The following ACSF2 variants were observed in gnomAD, a reference collection of about 807,000 sequenced individuals.
The protein encoded by ACSF2 is medium-chain acyl-CoA ligase ACSF2, mitochondrial.
In ACSF2, 52 loss-of-function variants were observed where a neutral mutation model predicts 79.3. The ratio of observed to expected loss-of-function variants is 0.66; its 90% CI spans 0.53 to 0.83. The LOEUF (loss-of-function observed/expected upper bound fraction) is 0.83. Among genes scored for constraint, ACSF2 ranks in the 40% least tolerant of loss-of-function variants. The probability of loss-of-function intolerance (pLI) is 0.00; values close to 1 mark genes in which losing one functional copy is unlikely to be tolerated. For missense variants in ACSF2, 661 were observed against 803.3 expected (o/e 0.82, Z 2.14); for synonymous variants, 283 against 312.6 (o/e 0.91, Z 1.00).
At chr17:50,461,590 G>A (rs766392349) in intron 3 of ACSF2, 43 bp from the exon 4 acceptor site, 1 of 1,613,568 alleles carries the variant, frequency 6.2e-7, no homozygotes, top group Non-Finnish European at 8.5e-7. Flanking sequence ...AGGAGGGACA[G>A]GGTCTGCCCA....
intron 1 of ACSF2, chr17:50,460,461 G>A: frequency 1.7e-6 from 1 of 584,296 alleles, no homozygotes; most frequent in Non-Finnish European, 3.1e-6. Context: ...GCTCCAGCTT[G>A]GTGTAACCTT....
chr17:50,447,251 T>C (rs2031359915), intron 1 of ACSF2, among the ~76,000 whole-genome samples: 1 of 152,080 alleles, frequency 6.6e-6, no homozygotes, highest in Admixed American at 6.6e-5. Context: ...ATGATTAAAA[T>C]AAGGATGGCC....
chr17:50,444,239 C>T (rs999974308), intron 1 of ACSF2, among the ~76,000 whole-genome samples: 4 of 152,040 alleles, frequency 2.6e-5, no homozygotes, highest in African/African-American at 9.7e-5. Flanking sequence ...GATAAGTGAT[C>T]AAAAGGAATT....
intron 10 of ACSF2, chr17:50,464,771 G>GGC (rs1555611938): frequency 1.2e-5 from 4 of 328,800 alleles, no homozygotes; most frequent in African/African-American, 5.0e-5. Context: ...GATTGACTTG[G>GGC]GGGGGGGGTC....
Position 50,463,685 on chromosome 17 carries a change from C to A in ACSF2, c.1046+133C>A. On this transcript the variant is annotated intron_variant, in intron 8 of 15. Transcript: ENST00000300441. The surrounding 1 kb of genome is among the most constrained non-coding windows in gnomAD (Gnocchi z 4.6). ...GAGGATGGGGACAGTGGAGGACCCC[C>A]AGGAGAGGACCAGTTCCTGCCTCAG... is the stretch of plus-strand genomic sequence containing the variant. 6.7e-7 allele frequency: 1 copy of A among 1,486,650 alleles called. No homozygotes were observed. The highest frequency in any genetic ancestry group is 1.3e-5 in the South Asian group (1 of 79,852). 92.1% of individuals were successfully genotyped at this position (1,486,650 alleles called of 1,614,324 possible).
At position 50,473,773 on chromosome 17, in the gene ACSF2, C is replaced by A; in HGVS notation, c.1584C>A (p.Phe528Leu). The change falls in exon 13 of 16, where the codon TTC (phenylalanine) becomes TTA (leucine). Residue 528 changes from phenylalanine (F) to leucine (L), a missense_variant. By Grantham distance (22) the Phe-to-Leu change is conservative (BLOSUM62 0). Transcript: ENST00000300441. ...ENIYPAELEDFFHTHPKVQEV... is the reference protein window; with the variant it reads ...ENIYPAELEDLFHTHPKVQEV... ...TCTACCCCGCAGAGCTCGAGGACTT[C>A]TTTCACACACACCCGAAGGTGCAGG... 1 of 1,614,242 alleles carries A rather than the reference C, an allele frequency of 6.2e-7. No homozygotes were observed. Among genetic ancestry groups the A allele is most frequent in the Non-Finnish European group, 8.5e-7 (1 of 1,180,048 alleles).
intron 1 of ACSF2, among the ~76,000 whole-genome samples, chr17:50,444,645 A>ACC (rs1180608846): frequency 6.6e-6 from 1 of 151,154 alleles, no homozygotes; most frequent in Non-Finnish European, 1.5e-5. Context: ...AAACACACAC[A>ACC]CACACACACA....
intron 1 of ACSF2, among the ~76,000 whole-genome samples, chr17:50,450,883 C>T (rs370085932): frequency 1.3e-5 from 2 of 152,210 alleles, no homozygotes; most frequent in East Asian, 1.9e-4. Flanking sequence ...GGTTTGTTTC[C>T]GCCTTTTGGG....
chr17:50,465,464 G>A (rs1335412545), intron 10 of ACSF2: 2 of 1,612,808 alleles, frequency 1.2e-6, no homozygotes, highest in Non-Finnish European at 1.7e-6. Flanking sequence ...ACTTGCTGGG[G>A]CTGGGGAAGA....
chr17:50,472,047 C>T (rs571629555), intron 11 of ACSF2: 50 of 202,734 alleles, frequency 2.5e-4, no homozygotes, highest in Admixed American at 7.6e-4. Flanking sequence ...TGTTGCCATG[C>T]CACCCTGTTT....
At chr17:50,457,511 T>C (rs1024167043) in intron 1 of ACSF2, among the ~76,000 whole-genome samples, 2 of 152,098 alleles carry the variant, frequency 1.3e-5, no homozygotes, top group African/African-American at 4.8e-5. Flanking sequence ...CATAGACATA[T>C]GGAATTGAAT....
intron 1 of ACSF2, among the ~76,000 whole-genome samples, chr17:50,440,583 A>C (rs1049978190): frequency 6.6e-6 from 1 of 152,246 alleles, no homozygotes; most frequent in Non-Finnish European, 1.5e-5. Context: ...CTACATGACC[A>C]TGTCAGAACT....
chr17:50,465,692 T>C (rs200656301), intron 10 of ACSF2: 8 of 1,612,738 alleles, frequency 5.0e-6, no homozygotes, highest in Non-Finnish European at 6.8e-6. Flanking sequence ...GGGAGTGACA[T>C]GGAAGTGTTC....
chr17:50,470,130 C>A, intron 10 of ACSF2: 1 of 152,674 alleles, frequency 6.5e-6, no homozygotes, highest in Non-Finnish European at 1.5e-5. Flanking sequence ...AAGCTTGGTG[C>A]AGGGAGGAGG....
intron 1 of ACSF2, among the ~76,000 whole-genome samples, chr17:50,444,474 G>A (rs2031159172): frequency 1.3e-5 from 2 of 152,098 alleles, no homozygotes; most frequent in Admixed American, 6.6e-5. Context: ...AGAATCATTT[G>A]AACCAGGGAG....
intron 1 of ACSF2, among the ~76,000 whole-genome samples, chr17:50,433,170 G>C (rs373271297): frequency 2.6e-4 from 39 of 150,618 alleles, no homozygotes; most frequent in Admixed American, 2.5e-3. Flanking sequence ...ACAGTGGCGC[G>C]ATCTGGGCTC....
chr17:50,449,724 CT>C (rs2143624454), intron 1 of ACSF2, among the ~76,000 whole-genome samples: 1 of 152,182 alleles, frequency 6.6e-6, no homozygotes, highest in African/African-American at 2.4e-5. Context: ...ACTTCATTTC[CT>C]TTTTAAAAAT....
chr17:50,443,812 T>C (rs895731548), intron 1 of ACSF2, among the ~76,000 whole-genome samples: 1 of 152,248 alleles, frequency 6.6e-6, no homozygotes, highest in Non-Finnish European at 1.5e-5. Flanking sequence ...TTGAAATTCA[T>C]AGCCATTTTA....
chr17:50,454,679 C>T (rs1305035258), intron 1 of ACSF2, among the ~76,000 whole-genome samples: 8 of 152,154 alleles, frequency 5.3e-5, no homozygotes, highest in African/African-American at 1.7e-4. Flanking sequence ...CTGGCCAGAT[C>T]GGCTGCCGGG....
Sources: allele counts gnomAD v4.1 joint callset (sites outside exome capture counted in the v4.1 genomes callset), GRCh38; gene constraint gnomAD v4.1.1; non-coding constraint Gnocchi (gnomAD v3.1); transcripts MANE v1.5; gene names NCBI Gene and HGNC (gene_info 2026-07-23, HGNC 2026-07-21).